Variants in LRP1B observed in about 807,000 individuals in gnomAD.
The protein encoded by LRP1B is low-density lipoprotein receptor-related protein 1B.
A neutral mutation model predicts 556.6 loss-of-function variants in LRP1B; 217 were observed. That is an observed-to-expected ratio of 0.39 (90% CI 0.35 to 0.44). LRP1B has a LOEUF of 0.44. LRP1B is among the 20% of genes least tolerant of loss of function. The pLI, the probability that LRP1B is intolerant of heterozygous loss-of-function variation, is 1.00. For synonymous variants in LRP1B, 2,047 were observed against 1,865.8 expected (o/e 1.10, Z -2.50); for missense variants, 5,053 against 5,620.8 (o/e 0.90, Z 3.23).
intron 1 of LRP1B, among the ~76,000 whole-genome samples, chr2:141,851,394 A>G (rs13018903): frequency 0.23 from 34,162 of 151,648 alleles, 3,980 homozygotes; most frequent in Middle Eastern, 0.34. Context: ...TCTTTCATAA[A>G]TGCTATTTCC....
chr2:141,171,599 A>C (rs749505851), intron 7 of LRP1B, among the ~76,000 whole-genome samples: 8 of 152,086 alleles, frequency 5.3e-5, no homozygotes, highest in Non-Finnish European at 1.0e-4. Context: ...ATGCTGGAAT[A>C]CTGCAAAACT....
At chr2:140,625,009 G>C (rs1396287498) in intron 41 of LRP1B, among the ~76,000 whole-genome samples, 1 of 152,126 alleles carries the variant, frequency 6.6e-6, no homozygotes, top group African/African-American at 2.4e-5. Flanking sequence ...GAAAGAGAGA[G>C]CATAAGAAAA....
chr2:141,468,966 T>A (rs1162340414), intron 3 of LRP1B, among the ~76,000 whole-genome samples: 1 of 152,200 alleles, frequency 6.6e-6, no homozygotes, highest in Non-Finnish European at 1.5e-5. Context: ...TCATGGTTTT[T>A]TACAACCACA....
intron 2 of LRP1B, among the ~76,000 whole-genome samples, chr2:141,661,961 T>C (rs938506387): frequency 2.6e-5 from 4 of 152,288 alleles, no homozygotes; most frequent in African/African-American, 9.6e-5. Flanking sequence ...AAGGAAAGTC[T>C]GTCAGAATAA....
At chr2:141,461,884 G>T (rs1351830409) in intron 3 of LRP1B, among the ~76,000 whole-genome samples, 2 of 152,182 alleles carry the variant, frequency 1.3e-5, no homozygotes, top group African/African-American at 2.4e-5. Flanking sequence ...ATCGTACAAA[G>T]TAGCTAACAT....
chr2:141,747,147 C>A (rs1363848630), intron 2 of LRP1B, among the ~76,000 whole-genome samples: 3 of 152,108 alleles, frequency 2.0e-5, no homozygotes. Context: ...AGAGAATATT[C>A]TTTTAAAAAC....
At position 141,880,522 on chromosome 2, in the gene LRP1B, C is replaced by T. The variant is rs1296910349; in HGVS notation, c.83-70121G>A. Among the ~76,000 whole-genome samples the T allele has an allele frequency of 2.0e-5, 3 of 151,854 alleles. No individual in the cohort carries two copies. The South Asian group carries it at 6.2e-4, about 32-fold the overall frequency. On this transcript the variant is annotated intron_variant, in intron 1 of 90. Transcript: ENST00000389484. Reference sequence around the variant, plus strand: ...AAAACTAATAATAATGTAAAAACATCTTCAATTTTAATAAAAAAAGGAAAT... The same window carrying T: ...AAAACTAATAATAATGTAAAAACATTTTCAATTTTAATAAAAAAAGGAAAT...
intron 31 of LRP1B, among the ~76,000 whole-genome samples, chr2:140,827,936 C>A (rs1425142534): frequency 1.3e-5 from 2 of 151,710 alleles, no homozygotes; most frequent in African/African-American, 2.4e-5. Flanking sequence ...CAATGGAAAC[C>A]ATATAGGCCT....
intron 1 of LRP1B, among the ~76,000 whole-genome samples, chr2:142,041,835 T>C (rs747772626): frequency 6.6e-6 from 1 of 151,562 alleles, no homozygotes; most frequent in Non-Finnish European, 1.5e-5. Context: ...TTTCATATTA[T>C]GTATTTCTCA....
At chr2:141,143,519 T>C (rs563718149) in intron 7 of LRP1B, among the ~76,000 whole-genome samples, 6 of 152,314 alleles carry the variant, frequency 3.9e-5, no homozygotes, top group African/African-American at 1.4e-4. Context: ...ATTGGAGTTG[T>C]ATACTGCTAA....
chr2:140,404,712 T>C (rs1005914750), intron 66 of LRP1B, among the ~76,000 whole-genome samples: 5 of 152,240 alleles, frequency 3.3e-5, no homozygotes, highest in African/African-American at 1.2e-4. Flanking sequence ...AGGATTCATA[T>C]AAACTCAAGA....
At chr2:141,005,549 T>A (rs2105374422) in intron 14 of LRP1B, 92 bp from the exon 15 acceptor site, 1 of 1,072,150 alleles carries the variant, frequency 9.3e-7, no homozygotes, top group Non-Finnish European at 1.3e-6. Flanking sequence ...CACTTATATA[T>A]GCTATGTATA....
chr2:141,548,139 A>AT (rs943640278), intron 2 of LRP1B, among the ~76,000 whole-genome samples: 2 of 152,194 alleles, frequency 1.3e-5, no homozygotes, highest in African/African-American at 4.8e-5. Flanking sequence ...AGATAAAGTT[A>AT]TTTTACCTTT....
chr2:141,233,495 T>C (rs1192754567), intron 5 of LRP1B, among the ~76,000 whole-genome samples: 1 of 152,208 alleles, frequency 6.6e-6, no homozygotes, highest in Admixed American at 6.5e-5. Context: ...CTTTGAAGAC[T>C]GATTCTAAAA....
intron 66 of LRP1B, among the ~76,000 whole-genome samples, chr2:140,411,665 A>G (rs1684974623): frequency 6.6e-6 from 1 of 152,074 alleles, no homozygotes; most frequent in African/African-American, 2.4e-5. Flanking sequence ...TATTCACTGG[A>G]TCCAGGCAGA....
At chr2:141,057,795 G>A (rs567768505) in intron 9 of LRP1B, among the ~76,000 whole-genome samples, 6 of 151,832 alleles carry the variant, frequency 4.0e-5, no homozygotes, top group African/African-American at 7.2e-5. Context: ...TGTGAAAACC[G>A]ATTAATACAA....
At chr2:140,713,135 T>C (rs1458582446) in intron 37 of LRP1B, among the ~76,000 whole-genome samples, 4 of 152,102 alleles carry the variant, frequency 2.6e-5, no homozygotes, top group Non-Finnish European at 5.9e-5. Context: ...ACTGATTCCA[T>C]GTATGCTTTA....
rs780666816 is a variant in LRP1B at position 140,509,932 on chromosome 2, G to A, written c.8394C>T (p.Gly2798=). 2 of 1,613,270 alleles carry A rather than the reference G, an allele frequency of 1.2e-6. No homozygotes were observed. Among genetic ancestry groups the A allele is most frequent in the South Asian group, 1.1e-5 (1 of 90,948 alleles). Residue 2798 remains glycine, a synonymous_variant, in exon 52 of 91, where the codon GGC becomes GGT. Transcript: ENST00000389484. ...AGCCCTGGCCAGTGTTCATACCGCAGCCTGCTGTGGAAAGCTCATCGCTTC... is the reference window on the plus strand; with the variant it reads ...AGCCCTGGCCAGTGTTCATACCGCAACCTGCTGTGGAAAGCTCATCGCTTC... ...PDGSDELSTA[G]CAPNNTCDEN...
At chr2:140,934,138 T>G (rs1381513516) in intron 20 of LRP1B, among the ~76,000 whole-genome samples, 2 of 152,054 alleles carry the variant, frequency 1.3e-5, no homozygotes, top group Admixed American at 6.6e-5. Context: ...GAACTTAAGT[T>G]TTACTTTAAT....
Sources: gnomAD v4.1 joint callset for allele counts (sites outside exome capture counted in the v4.1 genomes callset) on GRCh38, gnomAD v4.1.1 for gene constraint, MANE v1.5 for transcripts, NCBI Gene and HGNC (gene_info 2026-07-23, HGNC 2026-07-21) for gene names.